The following GPA33 variants were observed in gnomAD, a reference collection of about 807,000 sequenced individuals.
The protein encoded by GPA33 is cell surface A33 antigen.
GPA33 carries 27 observed loss-of-function variants against 35.6 expected under a neutral mutation model. That is an observed-to-expected ratio of 0.76 (90% CI 0.56 to 1.04). The LOEUF is 1.04. GPA33 is among the 50% of genes least tolerant of loss of function. The probability of loss-of-function intolerance (pLI) is 0.00; values close to 1 mark genes in which losing one functional copy is unlikely to be tolerated. For synonymous variants in GPA33, 176 were observed against 164.0 expected (o/e 1.07, Z -0.56); for missense variants, 428 against 411.9 (o/e 1.04, Z -0.34).
At position 167,073,657 on chromosome 1, in the gene GPA33, G is replaced by A. The variant is rs1345513201; in HGVS notation, c.44-118C>T. ...GGCTGTTCTTGCACCTCCAGCCACA[G>A]CTAGAGCCATCTTGGCCACCTTGGC... On this transcript the variant is annotated intron_variant, in intron 1 of 6. Transcript: ENST00000367868. 1.7e-5 allele frequency: 15 copies of A among 880,930 alleles called. No homozygotes were observed. The East Asian group carries it at 4.0e-4, about 24-fold the overall frequency. 54.6% of individuals were successfully genotyped at this position (880,930 alleles called of 1,614,324 possible).
intron 4 of GPA33, among the ~76,000 whole-genome samples, chr1:167,056,780 T>TGG (rs1558002083): frequency 7.3e-4 from 1 of 1,368 alleles, no homozygotes; most frequent in African/African-American, 2.9e-3. Flanking sequence ...GTGTGTGGCA[T>TGG]GTGTAGTGTG....
intron 4 of GPA33, among the ~76,000 whole-genome samples, chr1:167,062,553 G>A (rs1458739288): frequency 1.3e-5 from 2 of 151,744 alleles, no homozygotes; most frequent in African/African-American, 2.4e-5. Flanking sequence ...AGGAGCAGGG[G>A]TGGCACTAGG....
intron 3 of GPA33, among the ~76,000 whole-genome samples, chr1:167,067,745 T>C (rs937786630): frequency 6.6e-6 from 1 of 152,200 alleles, no homozygotes; most frequent in African/African-American, 2.4e-5. Context: ...TGTTAATCGG[T>C]AGATCTGCAT....
chr1:167,060,181 T>G (rs1270467878), intron 4 of GPA33, among the ~76,000 whole-genome samples: 1 of 152,164 alleles, frequency 6.6e-6, no homozygotes, highest in East Asian at 1.9e-4. Context: ...CCAAGGATCT[T>G]CCCACCTCAG....
intron 3 of GPA33, among the ~76,000 whole-genome samples, chr1:167,067,544 G>A (rs1254412951): frequency 6.6e-6 from 1 of 152,194 alleles, no homozygotes; most frequent in Non-Finnish European, 1.5e-5. Context: ...TTTCGGGGGA[G>A]TGTGCATTAA....
intron 4 of GPA33, among the ~76,000 whole-genome samples, chr1:167,056,659 T>TGCGG (rs1666275639): frequency 4.0e-5 from 1 of 25,110 alleles, no homozygotes; most frequent in African/African-American, 1.3e-4. Context: ...GTGTGTGTGG[T>TGCGG]ACGGTGAGTG....
chr1:167,076,020 C>T (rs1047245304), intron 1 of GPA33, among the ~76,000 whole-genome samples: 7 of 152,014 alleles, frequency 4.6e-5, no homozygotes, highest in Non-Finnish European at 8.8e-5. Flanking sequence ...GGGATGGAGC[C>T]TGAAAGGAGT....
At chr1:167,079,983 G>A (rs1324740360) in intron 1 of GPA33, among the ~76,000 whole-genome samples, 1 of 152,146 alleles carries the variant, frequency 6.6e-6, no homozygotes, top group East Asian at 1.9e-4. Context: ...ATCTAAGCTG[G>A]GATTAGGAAG....
chr1:167,054,286 G>A lies in GPA33; in HGVS notation c.*48C>T. 1 of 1,607,886 alleles carries A rather than the reference G, an allele frequency of 6.2e-7. No individual in the cohort carries two copies. Among genetic ancestry groups the A allele is most frequent in the Non-Finnish European group, 8.5e-7 (1 of 1,176,866 alleles). The stretch of plus-strand genomic sequence containing the variant: ...AAGGAGAAGGGAGGCCAGGAAGCGG[G>A]AGAATGAACCCCTAACCCTTCCTCC... On this transcript the variant is annotated 3_prime_UTR_variant, in exon 7 of 7. Coordinates refer to ENST00000367868, the MANE Select transcript of GPA33 (RefSeq NM_005814.3).
intron 3 of GPA33, among the ~76,000 whole-genome samples, chr1:167,067,076 A>G (rs1666611250): frequency 6.6e-6 from 1 of 152,204 alleles, no homozygotes; most frequent in African/African-American, 2.4e-5. Flanking sequence ...TTATATGTAT[A>G]TAATTTAAAC....
intron 4 of GPA33, among the ~76,000 whole-genome samples, chr1:167,057,211 G>A (rs1303473901): frequency 6.6e-6 from 1 of 152,028 alleles, no homozygotes; most frequent in Non-Finnish European, 1.5e-5. Context: ...CTCCTGAATC[G>A]AAGAGAACGG....
Position 167,054,209 on chromosome 1 carries a change from GA to G in GPA33, c.*124del. ...GTTCCCCACAGCTGACACTGGGGAAGAAATGTCCCCATCAATGTCTGGGATG... is the reference window on the plus strand; with the variant it reads ...GTTCCCCACAGCTGACACTGGGGAAGAATGTCCCCATCAATGTCTGGGATG... On this transcript the variant is annotated 3_prime_UTR_variant, in exon 7 of 7. Transcript: ENST00000367868. 1.6e-6 allele frequency: 2 copies of G among 1,255,236 alleles called. No homozygotes were observed. Among genetic ancestry groups the G allele is most frequent in the South Asian group, 2.7e-5 (2 of 74,176 alleles). 77.8% of individuals were successfully genotyped at this position (1,255,236 alleles called of 1,614,324 possible). A position where few individuals can be genotyped will look rare whatever the true frequency, so the allele number is the denominator to read the frequency against.
At chr1:167,067,038 A>G (rs996118508) in intron 3 of GPA33, among the ~76,000 whole-genome samples, 1 of 152,200 alleles carries the variant, frequency 6.6e-6, no homozygotes. Flanking sequence ...GAATGTTTAT[A>G]TATGTTTTTA....
At chr1:167,081,527 C>T (rs1344917807) in intron 1 of GPA33, among the ~76,000 whole-genome samples, 3 of 152,168 alleles carry the variant, frequency 2.0e-5, no homozygotes, top group African/African-American at 4.8e-5. Flanking sequence ...AATGTTGAAC[C>T]GTTCATTCAA....
intron 2 of GPA33, among the ~76,000 whole-genome samples, chr1:167,072,756 G>A (rs1034552848): frequency 3.9e-5 from 6 of 151,994 alleles, no homozygotes; most frequent in African/African-American, 9.7e-5. Flanking sequence ...ATTAAGAGTC[G>A]AATGCAAAAC....
chr1:167,086,125 C>A (rs1301505645), intron 1 of GPA33, among the ~76,000 whole-genome samples: 2 of 152,214 alleles, frequency 1.3e-5, no homozygotes, highest in Admixed American at 6.5e-5. Context: ...ACATTTTAAT[C>A]CTGATTGCGT....
At position 167,090,237 on chromosome 1, in the gene GPA33, C is replaced by T. The variant is rs201626982; in HGVS notation, c.43+8G>A. On this transcript the variant is annotated splice_region_variant and intron_variant, in intron 1 of 6. Coordinates refer to ENST00000367868, the MANE Select transcript of GPA33 (RefSeq NM_005814.3). ...CCTGGGCACTGGAGAGAAAAGGGGCCTACTCACCTGCACAGAGTGTCCACA... is the reference window on the plus strand; with the variant it reads ...CCTGGGCACTGGAGAGAAAAGGGGCTTACTCACCTGCACAGAGTGTCCACA... 1.3e-4 allele frequency: 210 copies of T among 1,608,554 alleles called. No individual in the cohort carries two copies. In the African/African-American group the frequency reaches 2.6e-3, roughly 20 times the overall value.
At chr1:167,073,958 C>T (rs1375541259) in intron 1 of GPA33, among the ~76,000 whole-genome samples, 1 of 152,028 alleles carries the variant, frequency 6.6e-6, no homozygotes, top group Non-Finnish European at 1.5e-5. Flanking sequence ...ATAAACATTA[C>T]CTGCCATCGT....
chr1:167,088,090 TC>T (rs1667089994), intron 1 of GPA33, among the ~76,000 whole-genome samples: 1 of 152,158 alleles, frequency 6.6e-6, no homozygotes, highest in Non-Finnish European at 1.5e-5. Context: ...GTGCAGTGCT[TC>T]CCTGCCCAGG....
Sources: allele counts gnomAD v4.1 joint callset (sites outside exome capture counted in the v4.1 genomes callset), GRCh38; gene constraint gnomAD v4.1.1; transcripts MANE v1.5; gene names NCBI Gene and HGNC (gene_info 2026-07-23, HGNC 2026-07-21).